UBAP2L: variants seen among roughly 807,000 people sequenced by gnomAD.
The protein encoded by UBAP2L is ubiquitin-associated protein 2-like.
Under a neutral mutation model 130.6 loss-of-function variants are expected in UBAP2L, and 12 were observed. The observed-to-expected ratio is 0.09, with a 90% CI of 0.06 to 0.15. The LOEUF (loss-of-function observed/expected upper bound fraction) is 0.15, where lower values mean the gene tolerates loss of function less well. UBAP2L is among the 10% of genes least tolerant of loss of function. The pLI, the probability that UBAP2L is intolerant of heterozygous loss-of-function variation, is 1.00. For synonymous variants in UBAP2L, 503 were observed against 524.7 expected (o/e 0.96, Z 0.57); for missense variants, 965 against 1,332.5 (o/e 0.72, Z 4.29).
chr1:154,232,441 T>C (rs1272283322), intron 4 of UBAP2L, among the ~76,000 whole-genome samples: 1 of 152,224 alleles, frequency 6.6e-6, no homozygotes, highest in Non-Finnish European at 1.5e-5. Flanking sequence ...TAAAAACTTT[T>C]AAGTTTACAA....
chr1:154,264,506 T>C (rs1028065864), intron 24 of UBAP2L, among the ~76,000 whole-genome samples: 5 of 152,200 alleles, frequency 3.3e-5, no homozygotes, highest in Non-Finnish European at 7.3e-5. Flanking sequence ...TTGAGATTAT[T>C]ATGGCTACTA....
chr1:154,269,120 G>T, intron 26 of UBAP2L, 166 bp downstream of exon 26: 2 of 956,920 alleles, frequency 2.1e-6, no homozygotes, highest in Non-Finnish European at 1.5e-6. Flanking sequence ...CACATAACAC[G>T]AGCGGCCGGC....
intron 3 of UBAP2L, among the ~76,000 whole-genome samples, chr1:154,228,301 C>G (rs940898834): frequency 9.2e-5 from 14 of 152,146 alleles, no homozygotes; most frequent in African/African-American, 3.1e-4. Flanking sequence ...AATTCTTCTG[C>G]CCCAGCCTCC....
At chr1:154,259,581 C>T (rs1352374592) in intron 21 of UBAP2L, 2 of 298,034 alleles carry the variant, frequency 6.7e-6, no homozygotes, top group Non-Finnish European at 1.3e-5. Context: ...CTCTGGAGCA[C>T]TCAGGGTGCT....
At chr1:154,248,587 C>T (rs892362819) in intron 11 of UBAP2L, among the ~76,000 whole-genome samples, 7 of 152,114 alleles carry the variant, frequency 4.6e-5, no homozygotes, top group African/African-American at 9.7e-5. Context: ...GAGGCCGAGG[C>T]GGGTGGATCA....
intron 4 of UBAP2L, among the ~76,000 whole-genome samples, chr1:154,231,542 C>T (rs754668567): frequency 6.6e-6 from 1 of 152,092 alleles, no homozygotes; most frequent in African/African-American, 2.4e-5. Flanking sequence ...CTCAAGTGAT[C>T]CACCCTCCTT....
intron 24 of UBAP2L, among the ~76,000 whole-genome samples, chr1:154,265,269 G>C (rs1014848593): frequency 6.6e-6 from 1 of 152,166 alleles, no homozygotes; most frequent in South Asian, 2.1e-4. Context: ...TCTAGAGTTT[G>C]AATTGTGGGT....
chr1:154,262,456 CT>C (rs966855693), intron 24 of UBAP2L, among the ~76,000 whole-genome samples: 2 of 152,088 alleles, frequency 1.3e-5, no homozygotes, highest in Non-Finnish European at 2.9e-5. Flanking sequence ...ATAATTGTAC[CT>C]TTTCAGCGAC....
intron 11 of UBAP2L, among the ~76,000 whole-genome samples, chr1:154,246,613 C>G (rs1282303693): frequency 6.6e-6 from 1 of 152,216 alleles, no homozygotes; most frequent in Non-Finnish European, 1.5e-5. Context: ...TTATTGACTA[C>G]TCATTGTGCT....
rs772494975 is a variant in UBAP2L at position 154,260,909 on chromosome 1, G to A, written c.2596G>A (p.Gly866Ser). The change falls in exon 23 of 27, where the codon GGC (glycine) becomes AGC (serine). Residue 866 changes from glycine (G) to serine (S), a missense_variant. Gly to Ser is a moderately conservative substitution (Grantham distance 56, BLOSUM62 0). Coordinates refer to ENST00000428931, the MANE Select transcript of UBAP2L (RefSeq NM_014847.4). ...TGTCACAGGTGACCTCACAAAGTTC[G>A]GCCGTGGGGATGCCTCCTCCCCAGC... ...NPYSGDLTKF[G>S]RGDASSPAPA... 8 of 1,614,104 alleles carry A rather than the reference G, an allele frequency of 5.0e-6. No individual in the cohort carries two copies. In the East Asian group the frequency reaches 6.7e-5, roughly 13 times the overall value.
intron 11 of UBAP2L, 133 bp from the exon 12 acceptor site, chr1:154,249,106 G>A (rs958022977): frequency 5.0e-6 from 4 of 801,018 alleles, no homozygotes; most frequent in Non-Finnish European, 8.4e-6. Context: ...AGTGGACTAT[G>A]CTGTATACTC....
At chr1:154,236,085 ATC>A (rs1454889031) in intron 6 of UBAP2L, among the ~76,000 whole-genome samples, 1 of 152,126 alleles carries the variant, frequency 6.6e-6, no homozygotes, top group South Asian at 2.1e-4. Flanking sequence ...CAAAAGAAAA[ATC>A]TCTCAACAGT....
At position 154,261,073 on chromosome 1, in the gene UBAP2L, C is replaced by A; in HGVS notation, c.2760C>A (p.Leu920=). ...CATACTATACAGGGGTCCCGGGCCT[C>A]CCCAGCACCTTCCAGTATGGGCCTG... is the stretch of plus-strand genomic sequence containing the variant. ...SLPYYTGVPG[L]PSTFQYGPAV... The change falls in exon 23 of 27, where the codon CTC becomes CTA. Residue 920 remains leucine (L), a synonymous_variant. Coordinates refer to ENST00000428931, the MANE Select transcript of UBAP2L (RefSeq NM_014847.4). The A allele has an allele frequency of 6.2e-7, 1 of 1,614,218 alleles. No individual in the cohort carries two copies. Among genetic ancestry groups the A allele is most frequent in the Non-Finnish European group, 8.5e-7 (1 of 1,180,036 alleles).
At chr1:154,270,079 A>G in intron 26 of UBAP2L, 121 bp from the exon 27 acceptor site, 1 of 1,264,306 alleles carries the variant, frequency 7.9e-7, no homozygotes. Flanking sequence ...CTATGGTTCT[A>G]ATAGTAGTGA....
intron 9 of UBAP2L, 171 bp from the exon 10 acceptor site, chr1:154,243,046 G>T: frequency 9.6e-6 from 5 of 519,388 alleles, no homozygotes; most frequent in Non-Finnish European, 1.4e-5. Context: ...TAAAACTATT[G>T]AGCATATATT....
At chr1:154,263,410 C>T (rs1682248743) in intron 24 of UBAP2L, 1 of 1,245,442 alleles carries the variant, frequency 8.0e-7, no homozygotes, top group African/African-American at 1.6e-5. Flanking sequence ...AATGCACACA[C>T]CTGCTGTTGC....
chr1:154,260,968 C>T lies in UBAP2L; in HGVS notation c.2655C>T (p.Asn885=), dbSNP rs1681368167. 6.2e-7 allele frequency: 1 copy of T among 1,614,096 alleles called. No homozygotes were observed. The highest frequency in any genetic ancestry group is 8.5e-7 in the Non-Finnish European group (1 of 1,180,050). The change falls in exon 23 of 27, where the codon AAC becomes AAT. Residue 885 remains asparagine, a synonymous_variant. Coordinates refer to ENST00000428931, the MANE Select transcript of UBAP2L (RefSeq NM_014847.4). ...PATTLAQPQQ[N]QTQTHHTTQQ... Reference sequence around the variant, plus strand: ...CAACCTTGGCCCAACCCCAACAGAACCAGACGCAGACTCACCATACCACGC... The same window carrying T: ...CAACCTTGGCCCAACCCCAACAGAATCAGACGCAGACTCACCATACCACGC...
chr1:154,233,760 C>T (rs1057204450), intron 4 of UBAP2L, among the ~76,000 whole-genome samples: 2 of 151,296 alleles, frequency 1.3e-5, no homozygotes, highest in African/African-American at 2.5e-5. Flanking sequence ...GAATGCTGCT[C>T]ATTCATTCTG....
intron 2 of UBAP2L, among the ~76,000 whole-genome samples, chr1:154,226,812 A>G (rs1212842942): frequency 6.6e-6 from 1 of 152,050 alleles, no homozygotes; most frequent in East Asian, 1.9e-4. Flanking sequence ...ATTTTTTGTC[A>G]TTTTACTGAT....
Sources: gnomAD v4.1 joint callset for allele counts (sites outside exome capture counted in the v4.1 genomes callset) on GRCh38, gnomAD v4.1.1 for gene constraint, MANE v1.5 for transcripts, NCBI Gene and HGNC (gene_info 2026-07-23, HGNC 2026-07-21) for gene names.